The following NUCB1 variants were observed in gnomAD, a reference collection of about 807,000 sequenced individuals.
The protein encoded by NUCB1 is nucleobindin 1.
Under a neutral mutation model 61.2 loss-of-function variants are expected in NUCB1, and 47 were observed. The observed-to-expected ratio is 0.77, with a 90% CI of 0.61 to 0.98. NUCB1 has a LOEUF of 0.98. Among genes scored for constraint, NUCB1 ranks in the 50% least tolerant of loss-of-function variants. The pLI is 0.00. For synonymous variants in NUCB1, 234 were observed against 243.1 expected, an observed-to-expected ratio of 0.96 and a Z score of 0.35; for missense variants, 583 against 605.3, an observed-to-expected ratio of 0.96 and a Z score of 0.39.
intron 2 of NUCB1, among the ~76,000 whole-genome samples, chr19:48,903,902 ATGGG>A (rs2037383570): frequency 9.4e-6 from 1 of 105,856 alleles, no homozygotes; most frequent in East Asian, 3.7e-4. Context: ...GGATGGATGG[ATGGG>A]TGGATGGATG....
chr19:48,901,621 G>A (rs989323293), intron 2 of NUCB1, among the ~76,000 whole-genome samples: 2 of 152,178 alleles, frequency 1.3e-5, no homozygotes, highest in Non-Finnish European at 2.9e-5. Flanking sequence ...GAAATTAGCT[G>A]GGCGTGGTGG....
At chr19:48,912,311 C>T (rs533504421) in intron 5 of NUCB1, among the ~76,000 whole-genome samples, 9 of 152,154 alleles carry the variant, frequency 5.9e-5, no homozygotes, top group African/African-American at 1.9e-4. Flanking sequence ...CAGGCGTGAC[C>T]CACCTCTCCT....
intron 7 of NUCB1, 70 bp downstream of exon 7, chr19:48,913,634 A>T: frequency 7.7e-7 from 1 of 1,291,750 alleles, no homozygotes. Flanking sequence ...CCTGAATGCT[A>T]AGAGGGGTGT....
At position 48,913,572 on chromosome 19, in the gene NUCB1, GGGGA is replaced by G; in HGVS notation, c.757+14_757+17del. Reference sequence around the variant, plus strand: ...CCTTCTTCATACTGCATGGTAAGGTGGGGAGGGAGTTCCAGAGCCAGGATGAACC... The same window carrying G: ...CCTTCTTCATACTGCATGGTAAGGTGGGGAGTTCCAGAGCCAGGATGAACC... On this transcript the variant is annotated intron_variant, in intron 7 of 12. Transcript: ENST00000405315. 1 of 1,609,636 alleles carries G rather than the reference GGGGA, an allele frequency of 6.2e-7. No individual in the cohort carries two copies. The highest frequency in any genetic ancestry group is 8.5e-7 in the Non-Finnish European group (1 of 1,175,992).
intron 7 of NUCB1, among the ~76,000 whole-genome samples, chr19:48,913,802 T>C (rs2037507433): frequency 6.6e-6 from 1 of 152,116 alleles, no homozygotes; most frequent in Non-Finnish European, 1.5e-5. Flanking sequence ...TAAGGACAGC[T>C]GGTGTCCTCT....
At chr19:48,919,840 C>T (rs1410888551) in intron 10 of NUCB1, among the ~76,000 whole-genome samples, 2 of 146,832 alleles carry the variant, frequency 1.4e-5, no homozygotes, top group Admixed American at 1.4e-4. Flanking sequence ...GGGATCTCGG[C>T]TCACTGCAAC....
intron 2 of NUCB1, chr19:48,901,142 G>A: frequency 3.2e-6 from 2 of 624,410 alleles, no homozygotes. Context: ...TCTGCATCAC[G>A]CCCCAACTAA....
intron 7 of NUCB1, among the ~76,000 whole-genome samples, chr19:48,916,345 C>T (rs1041856297): frequency 6.6e-6 from 1 of 152,128 alleles, no homozygotes; most frequent in East Asian, 1.9e-4. Context: ...GGGCTGGATG[C>T]GGTGGCTCAC....
chr19:48,917,761 G>T (rs1382567545), intron 7 of NUCB1, among the ~76,000 whole-genome samples: 1 of 151,608 alleles, frequency 6.6e-6, no homozygotes, highest in East Asian at 1.9e-4. Context: ...CTCCCAAAGT[G>T]CTGGGATTAC....
intron 1 of NUCB1, 94 bp from the exon 2 acceptor site, chr19:48,900,692 T>TGGGGGCGGCGC: frequency 6.8e-7 from 1 of 1,468,660 alleles, no homozygotes; most frequent in Non-Finnish European, 9.2e-7. Flanking sequence ...TTCTTGGAAG[T>TGGGGGCGGCGC]GGGGGCGGCG....
At chr19:48,911,653 G>A (rs537621763) in intron 5 of NUCB1, among the ~76,000 whole-genome samples, 3 of 151,964 alleles carry the variant, frequency 2.0e-5, no homozygotes, top group African/African-American at 7.2e-5. Context: ...TGATCCACCC[G>A]CCTCAGCCTC....
chr19:48,922,209 G>C, intron 12 of NUCB1, 109 bp from the exon 13 acceptor site: 1 of 887,006 alleles, frequency 1.1e-6, no homozygotes. Flanking sequence ...GGGAGGAGGG[G>C]CTGGGGGCTG....
At chr19:48,905,944 TCCCG>T in intron 4 of NUCB1, 59 bp downstream of exon 4, 1 of 1,159,430 alleles carries the variant, frequency 8.6e-7, no homozygotes, top group Admixed American at 2.8e-5. Flanking sequence ...GTGGCCTCAC[TCCCG>T]GCCTCCAGGT....
rs1470065025 is a variant in NUCB1 at position 48,922,477 on chromosome 19, G to A, written c.*53G>A. 1.4e-6 allele frequency: 2 copies of A among 1,451,894 alleles called. No individual in the cohort carries two copies. The highest frequency in any genetic ancestry group is 1.1e-5 in the South Asian group (1 of 87,650). The allele number at this position is 1,451,894 out of a possible 1,614,324, so 89.9% of individuals were successfully genotyped here. The stretch of plus-strand genomic sequence containing the variant: ...CCTGATGCTCCAAGGCGACTGATGG[G>A]CGCTGGATGAAGTGGCACAGTCAGC... On this transcript the variant is annotated 3_prime_UTR_variant, in exon 13 of 13. Transcript: ENST00000405315.
At chr19:48,909,861 A>G (rs2037452967) in intron 4 of NUCB1, among the ~76,000 whole-genome samples, 3 of 151,572 alleles carry the variant, frequency 2.0e-5, no homozygotes, top group Admixed American at 2.0e-4. Flanking sequence ...TGCCTTTTAT[A>G]AGGTCACCAA....
intron 2 of NUCB1, among the ~76,000 whole-genome samples, chr19:48,901,353 C>T (rs1461234745): frequency 6.6e-6 from 1 of 152,116 alleles, no homozygotes; most frequent in African/African-American, 2.4e-5. Context: ...TTATTAATTC[C>T]TACATGTGTT....
In NUCB1 at chr19:48,905,041, C is replaced by G. The variant is rs1348470713; in HGVS notation, c.243+587C>G. ...GCCTCCCCTCACCGTGCCTCAGTTT[C>G]CCCACCTGTAAAATGGGAGACATCA... On this transcript the variant is annotated intron_variant, in intron 3 of 12. Transcript: ENST00000405315. Among the ~76,000 whole-genome samples the G allele has an allele frequency of 4.6e-5, 7 of 152,322 alleles. No homozygotes were observed. In the East Asian group the frequency reaches 1.3e-3, roughly 29 times the overall value.
chr19:48,906,066 A>G (rs996632600), intron 4 of NUCB1, among the ~76,000 whole-genome samples, 181 bp downstream of exon 4: 6 of 152,196 alleles, frequency 3.9e-5, no homozygotes, highest in African/African-American at 1.4e-4. Flanking sequence ...TATTAACATT[A>G]CAATGTTGTT....
intron 10 of NUCB1, among the ~76,000 whole-genome samples, chr19:48,920,448 T>G (rs113614853): frequency 0.033 from 5,001 of 152,264 alleles, 315 homozygotes; most frequent in African/African-American, 0.11. Context: ...TTCCTTAGCC[T>G]CCTGAGTAAC....
Sources: gnomAD v4.1 joint callset for allele counts (sites outside exome capture counted in the v4.1 genomes callset) on GRCh38, gnomAD v4.1.1 for gene constraint, MANE v1.5 for transcripts, NCBI Gene and HGNC (gene_info 2026-07-23, HGNC 2026-07-21) for gene names.